NVL: variants seen among roughly 807,000 people sequenced by gnomAD.
The protein encoded by NVL is nuclear valosin-containing protein-like.
A neutral mutation model predicts 110.2 loss-of-function variants in NVL; 84 were observed. That is an observed-to-expected ratio of 0.76 (90% CI 0.64 to 0.91). The LOEUF is 0.91. Ranked by LOEUF, NVL falls within the 40% of genes least tolerant of loss-of-function variation. The pLI is 0.00. For missense variants in NVL, 882 were observed against 1,035.9 expected (o/e 0.85, Z 2.04); for synonymous variants, 354 against 361.1 (o/e 0.98, Z 0.22).
intron 15 of NVL, among the ~76,000 whole-genome samples, chr1:224,285,802 T>A (rs1000980983): frequency 1.3e-5 from 2 of 152,180 alleles, no homozygotes; most frequent in African/African-American, 4.8e-5. Flanking sequence ...AATTGCATGT[T>A]AAAATTGATA....
At chr1:224,286,384 T>C (rs892211215) in intron 14 of NVL, among the ~76,000 whole-genome samples, 7 of 152,056 alleles carry the variant, frequency 4.6e-5, no homozygotes, top group Admixed American at 1.3e-4. Context: ...TTTTGTATTT[T>C]TAGTAGAGTC....
intron 12 of NVL, among the ~76,000 whole-genome samples, chr1:224,290,396 C>A (rs79023130): frequency 0.042 from 6,343 of 152,316 alleles, 172 homozygotes; most frequent in East Asian, 0.095. Context: ...GTGGCTCACA[C>A]CTGCAATCCC....
intron 18 of NVL, among the ~76,000 whole-genome samples, chr1:224,251,259 G>GCA (rs1662457670): frequency 9.3e-6 from 1 of 107,842 alleles, no homozygotes. Context: ...GGCCAACAGA[G>GCA]TGATACTGTC....
Position 224,303,744 on chromosome 1 carries a change from T to G in NVL, c.939A>C (p.Leu313Phe). 6.2e-7 allele frequency: 1 copy of G among 1,613,436 alleles called. No individual in the cohort carries two copies. The highest frequency in any genetic ancestry group is 8.5e-7 in the Non-Finnish European group (1 of 1,179,674). Residue 313 changes from leucine (L) to phenylalanine (F), a missense_variant, in exon 9 of 23, where the codon TTA becomes TTC. By Grantham distance (22) the Leu-to-Phe change is conservative. Around this residue, in one of 4 missense-constraint regions of NVL, gnomAD observed 416 missense variants for 499.3 expected, o/e 0.83. Coordinates refer to ENST00000281701, the MANE Select transcript of NVL (RefSeq NM_002533.4). ...TCACCCCAGCAATTGCATGTGCAAG[T>G]AATGTCTTCCCACAGCCTGGTGGTC... ...LHGPPGCGKT[L>F]LAHAIAGELD...
chr1:224,289,998 G>C (rs1013935488), intron 12 of NVL, among the ~76,000 whole-genome samples: 7 of 152,108 alleles, frequency 4.6e-5, no homozygotes, highest in African/African-American at 1.4e-4. Flanking sequence ...AAAATATTTT[G>C]CCTTTAAGAA....
chr1:224,318,018 C>T, intron 2 of NVL, 88 bp from the exon 3 acceptor site: 1 of 826,776 alleles, frequency 1.2e-6, no homozygotes, highest in Non-Finnish European at 1.9e-6. Context: ...AATAAATTTT[C>T]ATGAATATTT....
chr1:224,249,548 T>C (rs1364549457), intron 19 of NVL, among the ~76,000 whole-genome samples: 1 of 152,002 alleles, frequency 6.6e-6, no homozygotes, highest in Non-Finnish European at 1.5e-5. Context: ...ATCGAGACCA[T>C]CCTGGCTAAC....
chr1:224,317,010 A>G (rs1280464091), intron 4 of NVL, among the ~76,000 whole-genome samples: 2 of 151,914 alleles, frequency 1.3e-5, no homozygotes, highest in Admixed American at 6.6e-5. Context: ...GTGGTGGCAC[A>G]TGACTGTAAT....
chr1:224,320,673 G>A (rs1213482499), intron 2 of NVL, among the ~76,000 whole-genome samples: 1 of 151,442 alleles, frequency 6.6e-6, no homozygotes, highest in African/African-American at 2.4e-5. Context: ...TTATGTTTTT[G>A]AGACAGGGTC....
intron 18 of NVL, among the ~76,000 whole-genome samples, chr1:224,251,528 TA>T (rs1217712275): frequency 6.6e-6 from 1 of 151,914 alleles, no homozygotes; most frequent in Admixed American, 6.6e-5. Context: ...TAATCCCAGC[TA>T]CTTGTGAGGT....
At chr1:224,327,970 G>A (rs1301191842) in intron 1 of NVL, among the ~76,000 whole-genome samples, 2 of 151,992 alleles carry the variant, frequency 1.3e-5, no homozygotes, top group African/African-American at 4.8e-5. Context: ...TAGGACAACA[G>A]AGGCCAGAAT....
chr1:224,308,690 C>CAAA (rs544159510), intron 5 of NVL, among the ~76,000 whole-genome samples: 2 of 61,918 alleles, frequency 3.2e-5, no homozygotes, highest in African/African-American at 1.1e-4. Flanking sequence ...GACTCCATCT[C>CAAA]AAAAAAAAAA....
Position 224,317,693 on chromosome 1 carries a change from C to G in NVL, c.284+1G>C. The G allele has an allele frequency of 6.5e-7, 1 of 1,550,274 alleles. No individual in the cohort carries two copies. Among genetic ancestry groups the G allele is most frequent in the Non-Finnish European group, 8.9e-7 (1 of 1,124,100 alleles). Reference sequence around the variant, plus strand: ...AAAAACCCTGCATTTGGTATACTTACTCATTATCCTCTTCACCTTGTCTTG... The same window carrying G: ...AAAAACCCTGCATTTGGTATACTTAGTCATTATCCTCTTCACCTTGTCTTG... On this transcript the variant is annotated splice_donor_variant, in intron 4 of 22. Transcript: ENST00000281701. LOFTEE classifies it high-confidence loss of function.
intron 18 of NVL, among the ~76,000 whole-genome samples, chr1:224,265,520 T>C (rs1399623550): frequency 3.3e-5 from 5 of 151,836 alleles, no homozygotes; most frequent in Admixed American, 6.6e-5. Context: ...AATAAATAAA[T>C]AATAAAATAA....
intron 10 of NVL, among the ~76,000 whole-genome samples, chr1:224,298,867 A>T (rs1571993721): frequency 6.6e-6 from 1 of 152,322 alleles, no homozygotes; most frequent in African/African-American, 2.4e-5. Context: ...GTCCCTCTAA[A>T]TCATCATGGA....
intron 22 of NVL, among the ~76,000 whole-genome samples, chr1:224,228,336 A>C (rs1659422874): frequency 1.3e-5 from 2 of 151,774 alleles, no homozygotes; most frequent in African/African-American, 4.8e-5. Context: ...ACGGAGTCTC[A>C]CTCTGTCGCC....
rs565055852 is a variant in NVL, at chr1:224,289,483, C to G, written c.1575+1G>C. On this transcript the variant is annotated splice_donor_variant, in intron 13 of 22. Coordinates refer to ENST00000281701, the MANE Select transcript of NVL (RefSeq NM_002533.4). LOFTEE classifies it high-confidence loss of function. ...ATTTAAGGTGCCTTTAGAGAAAGCA[C>G]CTGTGTTTCAGAAGTGGGCTCAGTT... 7.4e-6 allele frequency: 12 copies of G among 1,613,946 alleles called. No individual in the cohort carries two copies. The South Asian group carries it at 1.3e-4, about 18-fold the overall frequency.
At chr1:224,274,292 A>G (rs1308360073) in intron 17 of NVL, among the ~76,000 whole-genome samples, 1 of 151,682 alleles carries the variant, frequency 6.6e-6, no homozygotes. Context: ...CTCTGTTTCA[A>G]CAACAACAAC....
At chr1:224,312,681 G>A (rs1447030501) in intron 4 of NVL, 2 of 151,786 alleles carry the variant, frequency 1.3e-5, no homozygotes, top group Admixed American at 1.3e-4. Context: ...TTAGCCAGGT[G>A]TGGTGAAAAT....
Sources: gnomAD v4.1 joint callset for allele counts (sites outside exome capture counted in the v4.1 genomes callset) on GRCh38, gnomAD v4.1.1 for gene constraint, gnomAD v4.1.1 regional missense constraint, MANE v1.5 for transcripts, NCBI Gene and HGNC (gene_info 2026-07-23, HGNC 2026-07-21) for gene names.